Variants in ZDHHC11 observed in about 807,000 individuals in gnomAD.
ZDHHC11 encodes the protein zDHHC palmitoyltransferase 11.
Under a neutral mutation model 51.3 loss-of-function variants are expected in ZDHHC11, and 44 were observed. The ratio of observed to expected loss-of-function variants is 0.86; its 90% CI spans 0.67 to 1.10. The LOEUF is 1.10. Ranked by LOEUF, ZDHHC11 falls within the 50% of genes least tolerant of loss-of-function variation. ZDHHC11 has a pLI of 0.00. For missense variants in ZDHHC11, 400 were observed against 537.7 expected, an observed-to-expected ratio of 0.74 and a Z score of 2.53; for synonymous variants, 163 against 222.0, an observed-to-expected ratio of 0.73 and a Z score of 2.36.
At chr5:807,043 G>T (rs1195930875) in intron 11 of ZDHHC11, among the ~76,000 whole-genome samples, 1 of 151,060 alleles carries the variant, frequency 6.6e-6, no homozygotes, top group Non-Finnish European at 1.5e-5. Context: ...AAGCAGCACA[G>T]CTGGGTAGCA....
Position 850,774 on chromosome 5 carries a change from G to A in ZDHHC11, c.-172C>T, listed in dbSNP as rs1432492989. 6.2e-6 allele frequency: 5 copies of A among 800,976 alleles called. No homozygotes were observed. The highest frequency in any genetic ancestry group is 1.9e-6 in the Non-Finnish European group (1 of 517,038). 49.6% of individuals were successfully genotyped at this position (800,976 alleles called of 1,614,324 possible). On this transcript the variant is annotated 5_prime_UTR_variant, in exon 1 of 13. Coordinates refer to ENST00000283441, the MANE Select transcript of ZDHHC11 (RefSeq NM_024786.3). ...TCCCCGCAGAGGGAGCAGGGGCTGG[G>A]CTGGAGTCGGTGCAGGGCCCCGCCC...
chr5:858,943 A>C (rs184340867), exon 1 of ZDHHC11, among the ~76,000 whole-genome samples: 1 of 152,098 alleles, frequency 6.6e-6, no homozygotes, highest in African/African-American at 2.4e-5. Flanking sequence ...AGAGAAAAGC[A>C]GCGTCGCTCT....
upstream of ZDHHC11, among the ~76,000 whole-genome samples, chr5:860,190 C>T (rs1233655519): frequency 6.6e-6 from 1 of 152,146 alleles, no homozygotes; most frequent in African/African-American, 2.4e-5. This position sits in a 1 kb window ranked among gnomAD's most constrained non-coding sequence, Gnocchi z 4.2. Flanking sequence ...GGCAGGGAAG[C>T]CTACCTGACA....
intron 1 of ZDHHC11, among the ~76,000 whole-genome samples, chr5:858,712 C>T (rs1009266262): frequency 2.0e-5 from 3 of 152,176 alleles, no homozygotes; most frequent in African/African-American, 7.2e-5. Context: ...CTACTCCCCA[C>T]AGTGGAAACG....
intron 8 of ZDHHC11, chr5:823,360 A>C (rs186782764): frequency 6.6e-6 from 1 of 150,926 alleles, no homozygotes; most frequent in Non-Finnish European, 1.5e-5. Flanking sequence ...ACTCATTACA[A>C]ACCCTTCCAT....
chr5:827,773 G>A lies in ZDHHC11; in HGVS notation c.936-2522C>T, dbSNP rs569979732. Among the ~76,000 whole-genome samples the A allele has an allele frequency of 1.7e-4, 26 of 149,670 alleles. 1 individual carries two copies. The highest frequency in any genetic ancestry group is 6.4e-4 in the African/African-American group (26 of 40,530). Reference sequence around the variant, plus strand: ...TTTTTTTTTTTATTGATCATTCTTGGGTGTTTCTCACAGAGGGGGATTTGG... The same window carrying A: ...TTTTTTTTTTTATTGATCATTCTTGAGTGTTTCTCACAGAGGGGGATTTGG... On this transcript the variant is annotated intron_variant, in intron 7 of 12. Coordinates refer to ENST00000283441, the MANE Select transcript of ZDHHC11 (RefSeq NM_024786.3).
chr5:840,402 C>T (rs1415569308), intron 5 of ZDHHC11, 93 bp downstream of exon 5: 2 of 1,577,452 alleles, frequency 1.3e-6, no homozygotes, highest in East Asian at 4.5e-5. Flanking sequence ...GTGGGGGGCT[C>T]AGGGTTAGGG....
chr5:854,814 A>G (rs1380858011), upstream of ZDHHC11, among the ~76,000 whole-genome samples: 14 of 131,288 alleles, frequency 1.1e-4, no homozygotes, highest in South Asian at 2.7e-4. Context: ...CAGACCCCAC[A>G]GAGGACAGCG....
At position 801,281 on chromosome 5, in the gene ZDHHC11, G is replaced by A. The variant is rs1419266297; in HGVS notation, c.1182-117C>T. 6.0e-5 allele frequency: 78 copies of A among 1,299,570 alleles called. 1 individual carries two copies. Among genetic ancestry groups the A allele is most frequent in the African/African-American group, 3.9e-4 (27 of 69,182 alleles). The allele number at this position is 1,299,570 out of a possible 1,614,324, so 80.5% of individuals were successfully genotyped here. ...TACATTTTAGAGATTAGCTTGTGACGTGGGCAATCACTTCACCTCTCTGAG... is the reference window on the plus strand; with the variant it reads ...TACATTTTAGAGATTAGCTTGTGACATGGGCAATCACTTCACCTCTCTGAG... On this transcript the variant is annotated intron_variant, in intron 11 of 12. Coordinates refer to ENST00000283441, the MANE Select transcript of ZDHHC11 (RefSeq NM_024786.3).
chr5:811,750 G>A (rs925009009), intron 11 of ZDHHC11, among the ~76,000 whole-genome samples: 9 of 150,922 alleles, frequency 6.0e-5, no homozygotes, highest in South Asian at 2.1e-4. Context: ...TCCTGGAACC[G>A]AAACAAAATG....
chr5:837,079 C>T (rs1406919173), intron 6 of ZDHHC11, among the ~76,000 whole-genome samples: 2 of 152,080 alleles, frequency 1.3e-5, no homozygotes, highest in East Asian at 3.8e-4. Context: ...GCAAAAAGCA[C>T]ATTTCAACTT....
chr5:816,422 G>A (rs1286452122), intron 10 of ZDHHC11: 21 of 436,090 alleles, frequency 4.8e-5, no homozygotes, highest in Non-Finnish European at 8.2e-5. Flanking sequence ...TTCCAGCTGC[G>A]GGACAGGCAG....
At chr5:855,230 C>T (rs1226102965), upstream of ZDHHC11, among the ~76,000 whole-genome samples, 4 of 150,064 alleles carry the variant, frequency 2.7e-5, no homozygotes, top group Non-Finnish European at 5.9e-5. Flanking sequence ...GGACAGACCC[C>T]ACAGAGGACA....
At chr5:855,084 G>A (rs1188746092), upstream of ZDHHC11, among the ~76,000 whole-genome samples, 1 of 145,050 alleles carries the variant, frequency 6.9e-6, no homozygotes, top group Non-Finnish European at 1.5e-5. Context: ...AGGACAGCGA[G>A]CCGCGGGGAC....
chr5:809,315 C>T (rs1337478291), intron 11 of ZDHHC11, among the ~76,000 whole-genome samples: 1 of 141,326 alleles, frequency 7.1e-6, no homozygotes, highest in Non-Finnish European at 1.5e-5. Flanking sequence ...CTTCAGGACC[C>T]TTCCTGTAGA....
chr5:799,058 T>A (rs1441338162), intron 12 of ZDHHC11, among the ~76,000 whole-genome samples: 1 of 151,802 alleles, frequency 6.6e-6, no homozygotes, highest in Non-Finnish European at 1.5e-5. Flanking sequence ...TTTGGACATC[T>A]GACCCTTCCA....
chr5:817,285 C>T (rs1374494086), intron 10 of ZDHHC11, among the ~76,000 whole-genome samples: 1 of 151,452 alleles, frequency 6.6e-6, no homozygotes, highest in Non-Finnish European at 1.5e-5. Context: ...CTTATCAATA[C>T]TTTATACTAT....
At chr5:855,763 CG>C (rs1748140473), upstream of ZDHHC11, among the ~76,000 whole-genome samples, 1 of 148,230 alleles carries the variant, frequency 6.7e-6, no homozygotes, top group South Asian at 2.1e-4. Context: ...GGACAGCGAG[CG>C]AGGGTTACAG....
intron 11 of ZDHHC11, among the ~76,000 whole-genome samples, chr5:807,253 T>TAAA (rs11385305): frequency 2.0e-5 from 3 of 146,676 alleles, no homozygotes; most frequent in African/African-American, 7.5e-5. Context: ...CCCTTTCTGT[T>TAAA]AAAAAAAAAA....
Sources: allele counts gnomAD v4.1 joint callset (sites outside exome capture counted in the v4.1 genomes callset), GRCh38; gene constraint gnomAD v4.1.1; non-coding constraint Gnocchi (gnomAD v3.1); transcripts MANE v1.5; gene names NCBI Gene and HGNC (gene_info 2026-07-23, HGNC 2026-07-21).